The following PVT1 variants were observed in gnomAD, a reference collection of about 807,000 sequenced individuals.
The protein encoded by PVT1 is Pvt1 oncogene, also known as CXCR4/PVT1 fusion.
intron 4 of PVT1, among the ~76,000 whole-genome samples, chr8:128,062,514 A>G (rs182981907): frequency 1.3e-5 from 2 of 152,348 alleles, no homozygotes; most frequent in African/African-American, 4.8e-5. Context: ...ATAAATTCAC[A>G]GAAGGTGAGA....
rs181274330 is a variant in PVT1, at chr8:127,842,104, T to G, written n.372+46033T>G. Among the ~76,000 whole-genome samples the G allele has an allele frequency of 5.4e-3, 824 of 151,426 alleles. 1 individual carries two copies. The highest frequency in any genetic ancestry group is 9.1e-3 in the Non-Finnish European group (614 of 67,824). On this transcript the variant is annotated intron_variant and non_coding_transcript_variant, in intron 2 of 10. Transcript: ENST00000651587. ...TATATATATTTTGTTATCTTATTTT[T>G]AAAAGTTGTATGGCCCATTTAAACT...
intron 2 of PVT1, among the ~76,000 whole-genome samples, chr8:127,851,535 A>G (rs1448466751): frequency 2.6e-5 from 4 of 152,122 alleles, no homozygotes; most frequent in African/African-American, 4.8e-5. Flanking sequence ...CCTAGCACCA[A>G]TTGGTCTGTA....
intron 2 of PVT1, among the ~76,000 whole-genome samples, chr8:127,839,695 G>T (rs561457004): frequency 6.6e-6 from 1 of 152,284 alleles, no homozygotes; most frequent in East Asian, 1.9e-4. Context: ...CCGTGCATCA[G>T]TCAGGGTCTA....
At position 127,889,034 on chromosome 8, in the gene PVT1, T is replaced by TCC. The variant is rs1563631129; in HGVS notation, n.373-1555_373-1554insCC. ...TTCAAACCCCTTTTCCTTTCTCTCT[T>TCC]TCTTTCTTCCTTCCTTCCTTCCTTC... is the stretch of plus-strand genomic sequence containing the variant. On this transcript the variant is annotated intron_variant and non_coding_transcript_variant, in intron 2 of 10. Transcript: ENST00000651587. Among the ~76,000 whole-genome samples, 660 of 66,742 alleles carry TCC rather than the reference T, an allele frequency of 9.9e-3. 16 individuals are homozygous for TCC. The highest frequency in any genetic ancestry group is 0.035 in the African/African-American group (598 of 17,030). The allele number at this position is 66,742 out of a possible 152,430, so 43.8% of individuals were successfully genotyped here.
intron 2 of PVT1, among the ~76,000 whole-genome samples, chr8:127,871,382 T>C (rs1182104271): frequency 6.6e-6 from 1 of 152,228 alleles, no homozygotes; most frequent in Non-Finnish European, 1.5e-5. Context: ...TGAAAACTTT[T>C]GTATCAAATA....
intron 3 of PVT1, among the ~76,000 whole-genome samples, chr8:127,962,157 G>A (rs1425698743): frequency 6.6e-6 from 1 of 152,168 alleles, no homozygotes; most frequent in East Asian, 1.9e-4. Flanking sequence ...AGTACAGACG[G>A]GGTTTCACCA....
chr8:127,849,652 G>A (rs556281798), intron 2 of PVT1, among the ~76,000 whole-genome samples: 1 of 151,596 alleles, frequency 6.6e-6, no homozygotes, highest in African/African-American at 2.4e-5. Context: ...ATGTGTGTGT[G>A]TGCCCCTGCG....
At chr8:128,059,249 G>C (rs1312492284) in intron 4 of PVT1, among the ~76,000 whole-genome samples, 10 of 152,152 alleles carry the variant, frequency 6.6e-5, no homozygotes, top group Non-Finnish European at 1.5e-4. Context: ...ATATGGCAGG[G>C]AAAGGCTCAA....
At chr8:127,936,196 C>A (rs1214593498) in intron 3 of PVT1, among the ~76,000 whole-genome samples, 1 of 151,924 alleles carries the variant, frequency 6.6e-6, no homozygotes, top group Non-Finnish European at 1.5e-5. Flanking sequence ...GGATTACAGA[C>A]ATGCACCACC....
chr8:127,808,311 G>A (rs1482626074), intron 2 of PVT1, among the ~76,000 whole-genome samples: 1 of 152,200 alleles, frequency 6.6e-6, no homozygotes, highest in Non-Finnish European at 1.5e-5. Context: ...GCCTCCCAAA[G>A]TGCTGGGATT....
At position 127,957,807 on chromosome 8, in the gene PVT1, A is replaced by G. The variant is rs149307216; in HGVS notation, n.783-31355A>G. 3.5e-3 allele frequency among the ~76,000 whole-genome samples: 533 copies of G among 152,344 alleles called. 4 individuals carry two copies. The highest frequency in any genetic ancestry group is 0.012 in the African/African-American group (504 of 41,582). On this transcript the variant is annotated intron_variant and non_coding_transcript_variant, in intron 3 of 10. Transcript: ENST00000651587. The stretch of plus-strand genomic sequence containing the variant: ...AGCACTGCAACCCCTGAACATGCAC[A>G]CACACACAAGGTGCACACAGGCATG...
intron 4 of PVT1, among the ~76,000 whole-genome samples, chr8:128,026,218 C>T (rs1043345704): frequency 2.0e-5 from 3 of 152,204 alleles, no homozygotes; most frequent in Non-Finnish European, 4.4e-5. Context: ...GCTGGGATTA[C>T]AGGCGTGAGC....
intron 2 of PVT1, among the ~76,000 whole-genome samples, chr8:127,823,174 G>A (rs1814752180): frequency 1.3e-5 from 2 of 152,128 alleles, no homozygotes; most frequent in Admixed American, 6.5e-5. Flanking sequence ...TGAGAAAAGC[G>A]CTTGGAATGG....
intron 5 of PVT1, among the ~76,000 whole-genome samples, chr8:128,090,903 G>A (rs999679641): frequency 3.3e-5 from 5 of 152,082 alleles, no homozygotes; most frequent in South Asian, 2.1e-4. Context: ...CATGGAGGTC[G>A]TGGGTGCAGC....
chr8:127,818,861 G>A (rs950173632), intron 2 of PVT1, among the ~76,000 whole-genome samples: 2 of 145,524 alleles, frequency 1.4e-5, no homozygotes, highest in Admixed American at 7.2e-5. Flanking sequence ...CTCAATAAAC[G>A]CTGGTTATTC....
chr8:127,846,198 A>G (rs1815031834), intron 2 of PVT1, among the ~76,000 whole-genome samples: 1 of 152,180 alleles, frequency 6.6e-6, no homozygotes, highest in Non-Finnish European at 1.5e-5. Flanking sequence ...CCAGTCTGGA[A>G]ATGTCAGTAG....
chr8:128,054,630 G>T (rs1349280960), intron 4 of PVT1, among the ~76,000 whole-genome samples: 2 of 152,138 alleles, frequency 1.3e-5, no homozygotes, highest in Admixed American at 6.5e-5. Context: ...GTTCAATGTG[G>T]CTGGTTGCCT....
intron 4 of PVT1, chr8:128,008,869 A>G: frequency 2.0e-6 from 1 of 494,458 alleles, no homozygotes; most frequent in South Asian, 1.5e-5. Flanking sequence ...ACTAGAAGCT[A>G]TGGTCAGGCT....
At chr8:127,993,175 G>A (rs1817063351) in intron 4 of PVT1, among the ~76,000 whole-genome samples, 1 of 152,184 alleles carries the variant, frequency 6.6e-6, no homozygotes, top group Non-Finnish European at 1.5e-5. Context: ...CAAAACATGA[G>A]GGTAATTGCA....
Sources: gnomAD v4.1 joint callset for allele counts (sites outside exome capture counted in the v4.1 genomes callset) on GRCh38, gnomAD v4.1.1 for gene constraint, MANE v1.5 for transcripts, NCBI Gene and HGNC (gene_info 2026-07-23, HGNC 2026-07-21) for gene names.